The following SEPTIN10 variants were observed in gnomAD, a reference collection of about 807,000 sequenced individuals.
SEPTIN10 encodes septin-10.
A neutral mutation model predicts 54.8 loss-of-function variants in SEPTIN10; 66 were observed. That is an observed-to-expected ratio of 1.21 (90% CI 0.99 to 1.48). The LOEUF is 1.48. Ranked by LOEUF, SEPTIN10 falls within the 40% of genes most tolerant of loss-of-function variation. The pLI is 0.00. For synonymous variants in SEPTIN10, 161 were observed against 181.0 expected (o/e 0.89, Z 0.89); for missense variants, 620 against 545.6 (o/e 1.14, Z -1.36).
chr2:109,585,569 A>C (rs1268418943), intron 3 of SEPTIN10, 152 bp downstream of exon 3: 1 of 730,476 alleles, frequency 1.4e-6, no homozygotes. Flanking sequence ...AAGCTAAGAA[A>C]AACAAAACTA....
At chr2:109,604,832 T>G (rs1697571210) in intron 1 of SEPTIN10, 1 of 152,154 alleles carries the variant, frequency 6.6e-6, no homozygotes, top group Non-Finnish European at 1.5e-5. Flanking sequence ...CAAGGAGGCT[T>G]ACATGTAAAT....
intron 4 of SEPTIN10, among the ~76,000 whole-genome samples, chr2:109,576,157 A>AGGC (rs1328257141): frequency 1.3e-5 from 2 of 152,190 alleles, no homozygotes; most frequent in African/African-American, 4.8e-5. Flanking sequence ...GCTACTTGAG[A>AGGC]GGCTAAGGCA....
rs538777530 is a variant in SEPTIN10, at chr2:109,606,248, C to T, written c.30+7550G>A. ...TGGCCAACATGGTGAAACCCCGCTT[C>T]TACTAGAACTACAAAAATTAGCTGG... On this transcript the variant is annotated intron_variant, in intron 1 of 10. Transcript: ENST00000397712. Among the ~76,000 whole-genome samples, 15 of 152,232 alleles carry T rather than the reference C, an allele frequency of 9.9e-5. No individual in the cohort carries two copies. The South Asian group carries it at 2.9e-3, about 30-fold the overall frequency.
chr2:109,607,143 A>C (rs1377193400), intron 1 of SEPTIN10, among the ~76,000 whole-genome samples: 1 of 152,160 alleles, frequency 6.6e-6, no homozygotes, highest in East Asian at 1.9e-4. Flanking sequence ...AAAAGCTTTC[A>C]TTCTACTTAT....
intron 1 of SEPTIN10, chr2:109,613,291 A>G (rs1473025955): frequency 1.0e-5 from 7 of 696,992 alleles, no homozygotes; most frequent in Admixed American, 1.0e-4. Flanking sequence ...TCAAGGCGGG[A>G]AAAAAACGGT....
intron 1 of SEPTIN10, among the ~76,000 whole-genome samples, chr2:109,598,064 T>A (rs1207771112): frequency 6.6e-6 from 1 of 152,130 alleles, no homozygotes; most frequent in Admixed American, 6.5e-5. Flanking sequence ...TTTTTTTGTT[T>A]TGTTTTGTTT....
intron 4 of SEPTIN10, among the ~76,000 whole-genome samples, chr2:109,575,709 A>T (rs1689531461): frequency 6.6e-6 from 1 of 152,232 alleles, no homozygotes; most frequent in Admixed American, 6.5e-5. Context: ...AAATAACAGC[A>T]AACAGTTCCC....
At chr2:109,610,398 A>C (rs978018522) in intron 1 of SEPTIN10, among the ~76,000 whole-genome samples, 6 of 151,836 alleles carry the variant, frequency 4.0e-5, no homozygotes, top group Non-Finnish European at 5.9e-5. Flanking sequence ...ACTTCCCTGA[A>C]TTTTAATATC....
At chr2:109,600,925 G>A (rs547994908) in intron 1 of SEPTIN10, among the ~76,000 whole-genome samples, 1 of 152,226 alleles carries the variant, frequency 6.6e-6, no homozygotes, top group Non-Finnish European at 1.5e-5. Context: ...CAAATAAACA[G>A]CCAGATAAAG....
Position 109,569,857 on chromosome 2 carries a change from A to G in SEPTIN10, c.601-1881T>C, listed in dbSNP as rs142221160. Among the ~76,000 whole-genome samples the G allele has an allele frequency of 2.0e-4, 31 of 152,280 alleles. No individual in the cohort carries two copies. The East Asian group carries it at 5.8e-3, about 29-fold the overall frequency. ...CTTGTCACCAATGGCGTAAGAGAAG[A>G]TAACTTTCCATGTCAAGCAGTCGAA... On this transcript the variant is annotated intron_variant, in intron 5 of 10. Transcript: ENST00000397712.
intron 1 of SEPTIN10, among the ~76,000 whole-genome samples, chr2:109,594,297 A>G (rs958468265): frequency 6.6e-6 from 1 of 152,156 alleles, no homozygotes; most frequent in African/African-American, 2.4e-5. Context: ...AATGGTGTCA[A>G]TGAGAATACA....
chr2:109,581,386 G>A (rs1691108241), intron 4 of SEPTIN10, among the ~76,000 whole-genome samples: 1 of 151,752 alleles, frequency 6.6e-6, no homozygotes, highest in Non-Finnish European at 1.5e-5. Flanking sequence ...GCAGTGAGCC[G>A]AGATTGCGCC....
chr2:109,602,103 CA>C (rs1696718912), intron 1 of SEPTIN10, among the ~76,000 whole-genome samples: 1 of 152,168 alleles, frequency 6.6e-6, no homozygotes, highest in South Asian at 2.1e-4. Context: ...AGGGTTCCAA[CA>C]GCGGCACAGT....
chr2:109,568,381 T>C (rs1274738666), intron 5 of SEPTIN10, among the ~76,000 whole-genome samples: 2 of 150,938 alleles, frequency 1.3e-5, no homozygotes, highest in African/African-American at 4.9e-5. Context: ...ATCTTTTTTT[T>C]TTTTTTTTTT....
intron 1 of SEPTIN10, among the ~76,000 whole-genome samples, chr2:109,604,339 T>TAGAA (rs1203833313): frequency 1.5e-4 from 12 of 78,918 alleles, no homozygotes; most frequent in Non-Finnish European, 2.5e-4. Flanking sequence ...CGGGACCCCA[T>TAGAA]AGAAAGAAAG....
intron 6 of SEPTIN10, among the ~76,000 whole-genome samples, chr2:109,566,206 C>T (rs995079921): frequency 7.2e-5 from 11 of 152,034 alleles, no homozygotes; most frequent in African/African-American, 2.4e-4. Context: ...CTGCAGCCTC[C>T]GCCTCCTGGG....
chr2:109,580,014 G>A (rs776692246), intron 4 of SEPTIN10, among the ~76,000 whole-genome samples: 6 of 151,602 alleles, frequency 4.0e-5, no homozygotes, highest in Admixed American at 1.3e-4. Flanking sequence ...CCAGCTACTC[G>A]GGAGGCTGAG....
At chr2:109,588,337 GTTTT>G (rs781371259) in intron 2 of SEPTIN10, among the ~76,000 whole-genome samples, 73 of 151,934 alleles carry the variant, frequency 4.8e-4, no homozygotes, top group African/African-American at 1.6e-3. Context: ...TGTAAGAGAG[GTTTT>G]TTTTAACTTC....
intron 1 of SEPTIN10, among the ~76,000 whole-genome samples, chr2:109,611,331 A>C (rs1699208826): frequency 1.3e-5 from 2 of 152,220 alleles, no homozygotes; most frequent in South Asian, 2.1e-4. Context: ...AATAATGATA[A>C]ATTTCAACAA....
Sources: allele counts gnomAD v4.1 joint callset (sites outside exome capture counted in the v4.1 genomes callset), GRCh38; gene constraint gnomAD v4.1.1; transcripts MANE v1.5; gene names NCBI Gene and HGNC (gene_info 2026-07-23, HGNC 2026-07-21).